The following ADAM18 variants were observed in gnomAD, a reference collection of about 807,000 sequenced individuals.
ADAM18 encodes the protein disintegrin and metalloproteinase domain-containing protein 18.
ADAM18 carries 117 observed loss-of-function variants against 94.4 expected under a neutral mutation model. The ratio of observed to expected loss-of-function variants is 1.24; its 90% CI spans 1.07 to 1.45. The LOEUF (loss-of-function observed/expected upper bound fraction) is 1.45. Ranked by LOEUF, ADAM18 falls within the 40% of genes most tolerant of loss-of-function variation. ADAM18 has a pLI of 0.00. For missense variants in ADAM18, 936 were observed against 880.0 expected, an observed-to-expected ratio of 1.06 and a Z score of -0.81; for synonymous variants, 327 against 291.6, an observed-to-expected ratio of 1.12 and a Z score of -1.24.
At chr8:39,620,633 C>T (rs934618348) in intron 6 of ADAM18, among the ~76,000 whole-genome samples, 1 of 144,866 alleles carries the variant, frequency 6.9e-6, no homozygotes, top group Non-Finnish European at 1.5e-5. Flanking sequence ...ATATATATAA[C>T]ATATATTTAT....
intron 4 of ADAM18, 130 bp from the exon 5 acceptor site, chr8:39,609,355 G>T: frequency 1.4e-6 from 1 of 697,142 alleles, no homozygotes; most frequent in Non-Finnish European, 2.3e-6. Flanking sequence ...TTTTTTTTCT[G>T]AAAATATGCA....
chr8:39,638,071 G>A (rs1820133795), intron 9 of ADAM18, among the ~76,000 whole-genome samples: 1 of 151,544 alleles, frequency 6.6e-6, no homozygotes, highest in South Asian at 2.1e-4. Flanking sequence ...TTTACTAGGA[G>A]GGATTTGGGT....
chr8:39,708,520 G>T (rs1822303496), intron 18 of ADAM18, among the ~76,000 whole-genome samples: 1 of 152,216 alleles, frequency 6.6e-6, no homozygotes, highest in Non-Finnish European at 1.5e-5. Flanking sequence ...AGAAAGGATA[G>T]TAAAATCAAT....
chr8:39,668,345 G>A, intron 14 of ADAM18, 149 bp downstream of exon 14: 1 of 738,522 alleles, frequency 1.4e-6, no homozygotes, highest in East Asian at 2.8e-5. Flanking sequence ...AGTTTTTTAA[G>A]AGTATCTGAG....
At chr8:39,681,604 T>C (rs751531176) in intron 16 of ADAM18, among the ~76,000 whole-genome samples, 1 of 152,174 alleles carries the variant, frequency 6.6e-6, no homozygotes, top group Non-Finnish European at 1.5e-5. Flanking sequence ...CCTTAAAAAT[T>C]GGGTATGAAT....
In ADAM18 at chr8:39,719,533, C is replaced by A. The variant is rs188484036; in HGVS notation, c.2018-4215C>A. Among the ~76,000 whole-genome samples the A allele has an allele frequency of 3.3e-5, 5 of 151,368 alleles. No individual in the cohort carries two copies. In the South Asian group the frequency reaches 8.3e-4, roughly 25 times the overall value. On this transcript the variant is annotated intron_variant, in intron 18 of 19. Coordinates refer to ENST00000265707, the MANE Select transcript of ADAM18 (RefSeq NM_014237.3). ...AGGGGAATAAAAGGGCAAGCCACTG[C>A]CCCTTAACAAATATTTGTAAAATAT... is the stretch of plus-strand genomic sequence containing the variant.
intron 14 of ADAM18, among the ~76,000 whole-genome samples, chr8:39,671,005 G>A (rs1163150783): frequency 6.6e-6 from 1 of 152,182 alleles, no homozygotes; most frequent in East Asian, 1.9e-4. Flanking sequence ...TGTTGGATTT[G>A]CATCCCAGTT....
intron 18 of ADAM18, among the ~76,000 whole-genome samples, chr8:39,708,893 G>T (rs1403380852): frequency 1.3e-5 from 2 of 152,222 alleles, no homozygotes; most frequent in Non-Finnish European, 2.9e-5. Context: ...CACAGTGCGG[G>T]CCCTGCGCCC....
chr8:39,595,377 G>C (rs1400373921), intron 2 of ADAM18, among the ~76,000 whole-genome samples: 1 of 152,220 alleles, frequency 6.6e-6, no homozygotes, highest in Non-Finnish European at 1.5e-5. Flanking sequence ...CACTGTGCCT[G>C]TTGGTAGTTC....
At chr8:39,664,632 G>A (rs1820942482) in intron 13 of ADAM18, among the ~76,000 whole-genome samples, 1 of 152,062 alleles carries the variant, frequency 6.6e-6, no homozygotes, top group South Asian at 2.1e-4. Context: ...GGAAAAAATT[G>A]TAGCATGAAT....
chr8:39,663,784 T>C lies in ADAM18; in HGVS notation c.1231-11T>C, dbSNP rs1820915411. The C allele has an allele frequency of 6.3e-7, 1 of 1,587,484 alleles. No homozygotes were observed. The highest frequency in any genetic ancestry group is 1.7e-5 in the Admixed American group (1 of 58,200). On this transcript the variant is annotated splice_polypyrimidine_tract_variant and intron_variant, in intron 12 of 19. Coordinates refer to ENST00000265707, the MANE Select transcript of ADAM18 (RefSeq NM_014237.3). ...TAAACTGTAATAATATTTCTTCCTG[T>C]AAAATTTTAGGAATGTCAATTTAAG...
chr8:39,674,000 A>G (rs953292431), intron 14 of ADAM18, among the ~76,000 whole-genome samples: 5 of 152,240 alleles, frequency 3.3e-5, no homozygotes, highest in African/African-American at 9.6e-5. Context: ...GTTCGTTGTG[A>G]TTTCTGTTCA....
chr8:39,677,132 G>C (rs1821322034), intron 14 of ADAM18, among the ~76,000 whole-genome samples: 2 of 152,166 alleles, frequency 1.3e-5, no homozygotes, highest in African/African-American at 2.4e-5. Flanking sequence ...TCATTAAGAA[G>C]AGGAAGTTAC....
intron 13 of ADAM18, among the ~76,000 whole-genome samples, chr8:39,666,126 C>T (rs566263566): frequency 1.1e-4 from 17 of 152,300 alleles, no homozygotes; most frequent in African/African-American, 4.1e-4. Flanking sequence ...CAACCTCCAC[C>T]TCCTGGGCTG....
chr8:39,680,118 A>C lies in ADAM18; in HGVS notation c.1713A>C (p.Ser571=). Residue 571 remains serine (S), a synonymous_variant, in exon 16 of 20, where the codon TCA becomes TCC. Transcript: ENST00000265707. ...NKSDAQSTVY[S]YIQDHVCVSI... ...GTGACGCTCAATCTACAGTTTATTC[A>C]TATATTCAAGACCATGTATGTGTAT... is the stretch of plus-strand genomic sequence containing the variant. 1 of 1,613,900 alleles carries C rather than the reference A, an allele frequency of 6.2e-7. No individual in the cohort carries two copies. Among genetic ancestry groups the C allele is most frequent in the South Asian group, 1.1e-5 (1 of 91,080 alleles).
chr8:39,629,497 A>G (rs1819872881), intron 7 of ADAM18, 58 bp downstream of exon 7: 1 of 1,198,118 alleles, frequency 8.3e-7, no homozygotes, highest in African/African-American at 1.6e-5. Context: ...TCAAGAAAGA[A>G]CTTTCCTTCT....
At chr8:39,727,601 C>G (rs1217694310) in intron 19 of ADAM18, among the ~76,000 whole-genome samples, 1 of 152,172 alleles carries the variant, frequency 6.6e-6, no homozygotes, top group Admixed American at 6.5e-5. Context: ...ACACACATGA[C>G]CTTTGTTCCA....
intron 18 of ADAM18, among the ~76,000 whole-genome samples, chr8:39,711,518 A>G (rs1271864106): frequency 6.6e-6 from 1 of 152,214 alleles, no homozygotes; most frequent in Admixed American, 6.5e-5. Flanking sequence ...GAAAATCAAG[A>G]AAAACATGTA....
Position 39,680,124 on chromosome 8 carries a change from T to G in ADAM18, c.1719T>G (p.Ile573Met), listed in dbSNP as rs756941742. The G allele has an allele frequency of 3.2e-5, 51 of 1,613,776 alleles. No individual in the cohort carries two copies. The highest frequency in any genetic ancestry group is 4.0e-5 in the Non-Finnish European group (47 of 1,179,886). The part of the protein sequence containing the change: ...SDAQSTVYSY[I>M]QDHVCVSIAT... ...CTCAATCTACAGTTTATTCATATAT[T>G]CAAGACCATGTATGTGTATCTATAG... The change falls in exon 16 of 20, where the codon ATT becomes ATG. Residue 573 changes from isoleucine (I) to methionine (M), a missense_variant. Ile to Met is a conservative substitution (Grantham distance 10). Transcript: ENST00000265707.
Sources: gnomAD v4.1 joint callset for allele counts (sites outside exome capture counted in the v4.1 genomes callset) on GRCh38, gnomAD v4.1.1 for gene constraint, MANE v1.5 for transcripts, NCBI Gene and HGNC (gene_info 2026-07-23, HGNC 2026-07-21) for gene names.